Variants in HTR1E observed in about 807,000 individuals in gnomAD.
HTR1E encodes the protein 5-hydroxytryptamine receptor 1E, also known as 5-HT-1E.
In HTR1E, 3 loss-of-function variants were observed where a neutral mutation model predicts 3.4. The ratio of observed to expected loss-of-function variants is 0.89; its 90% CI spans 0.41 to 2.31. The LOEUF is 2.31. HTR1E is among the 30% of genes most tolerant of loss of function. The pLI is 0.05. For missense variants in HTR1E, 392 were observed against 467.0 expected (o/e 0.84, Z 1.48); for synonymous variants, 170 against 182.8 (o/e 0.93, Z 0.56).
chr6:86,952,364 G>T (rs1767256874), intron 1 of HTR1E, among the ~76,000 whole-genome samples: 1 of 152,040 alleles, frequency 6.6e-6, no homozygotes, highest in Non-Finnish European at 1.5e-5. Context: ...CATCAACAAT[G>T]GTGCAAACAT....
intron 1 of HTR1E, among the ~76,000 whole-genome samples, chr6:86,986,091 C>T (rs1453923734): frequency 6.6e-6 from 1 of 152,186 alleles, no homozygotes; most frequent in Admixed American, 6.5e-5. Flanking sequence ...CCTCAGAAAA[C>T]TGTCATTATC....
intron 1 of HTR1E, among the ~76,000 whole-genome samples, chr6:86,966,020 A>T (rs1767466977): frequency 6.6e-6 from 1 of 152,174 alleles, no homozygotes; most frequent in African/African-American, 2.4e-5. Context: ...AAGAAATAGG[A>T]ATTCTCTAAC....
intron 1 of HTR1E, among the ~76,000 whole-genome samples, chr6:87,002,408 A>C (rs1191302382): frequency 6.6e-6 from 1 of 152,230 alleles, no homozygotes; most frequent in Non-Finnish European, 1.5e-5. Flanking sequence ...CACAGTATGG[A>C]AGGGGACCCG....
chr6:86,994,245 A>AT (rs1351368551), intron 1 of HTR1E, among the ~76,000 whole-genome samples: 1 of 152,168 alleles, frequency 6.6e-6, no homozygotes, highest in East Asian at 1.9e-4. Context: ...AAAATGTCCC[A>AT]TTTTGGCAAA....
At chr6:87,010,377 T>C (rs10944289) in intron 1 of HTR1E, among the ~76,000 whole-genome samples, 2,597 of 50,336 alleles carry the variant, frequency 0.052, no homozygotes, top group Middle Eastern at 0.15. Flanking sequence ...GACCCCCCCA[T>C]CTCCCTCCCG....
At chr6:86,953,218 G>A (rs1038215082) in intron 1 of HTR1E, among the ~76,000 whole-genome samples, 6 of 152,190 alleles carry the variant, frequency 3.9e-5, no homozygotes, top group Non-Finnish European at 8.8e-5. Flanking sequence ...GAAAAAATAT[G>A]TTGGGAGGAG....
intron 1 of HTR1E, among the ~76,000 whole-genome samples, chr6:86,976,859 G>A (rs948435257): frequency 7.2e-5 from 11 of 152,062 alleles, no homozygotes; most frequent in Non-Finnish European, 1.2e-4. Context: ...TATTCTCTTC[G>A]TATTCTTCAT....
At chr6:86,968,073 C>G (rs1217572767) in intron 1 of HTR1E, among the ~76,000 whole-genome samples, 5 of 152,182 alleles carry the variant, frequency 3.3e-5, no homozygotes, top group Non-Finnish European at 7.4e-5. Context: ...CATGTGGTAT[C>G]ACACTATGTT....
At chr6:86,977,122 G>C (rs1241613270) in intron 1 of HTR1E, among the ~76,000 whole-genome samples, 1 of 152,004 alleles carries the variant, frequency 6.6e-6, no homozygotes, top group Admixed American at 6.6e-5. Context: ...TGTTACATGG[G>C]TATGTTACAC....
intron 1 of HTR1E, among the ~76,000 whole-genome samples, chr6:86,950,341 T>A (rs1445557454): frequency 1.3e-5 from 2 of 152,216 alleles, no homozygotes; most frequent in African/African-American, 4.8e-5. Flanking sequence ...AGAGAACCTT[T>A]GTGTAAGGCC....
intron 1 of HTR1E, among the ~76,000 whole-genome samples, chr6:86,966,742 C>T (rs533870836): frequency 6.6e-6 from 1 of 152,112 alleles, no homozygotes; most frequent in Admixed American, 6.5e-5. Context: ...ATGGAGTTTG[C>T]CAGGCAGAGA....
At chr6:86,967,708 A>G (rs1767491352) in intron 1 of HTR1E, among the ~76,000 whole-genome samples, 1 of 152,216 alleles carries the variant, frequency 6.6e-6, no homozygotes, top group African/African-American at 2.4e-5. Flanking sequence ...ACAAAATTCA[A>G]GATATTATAA....
chr6:86,983,938 T>C (rs1205997773), intron 1 of HTR1E, among the ~76,000 whole-genome samples: 3 of 152,152 alleles, frequency 2.0e-5, no homozygotes, highest in Non-Finnish European at 2.9e-5. Context: ...TTTTAAAATA[T>C]ATATACTCCT....
At chr6:86,944,807 T>G (rs1300141096) in intron 1 of HTR1E, among the ~76,000 whole-genome samples, 1 of 152,204 alleles carries the variant, frequency 6.6e-6, no homozygotes, top group African/African-American at 2.4e-5. Context: ...CCTAGTGACA[T>G]CATCGCTATT....
chr6:86,967,333 G>A (rs1582264443), intron 1 of HTR1E, among the ~76,000 whole-genome samples: 1 of 152,070 alleles, frequency 6.6e-6, no homozygotes. Flanking sequence ...GGATTGGAAA[G>A]TTGCAGTTTA....
chr6:86,988,800 T>A (rs140858797), intron 1 of HTR1E, among the ~76,000 whole-genome samples: 3 of 152,258 alleles, frequency 2.0e-5, no homozygotes, highest in African/African-American at 7.2e-5. Flanking sequence ...AAAAACTATT[T>A]TCTCCTGTTT....
intron 1 of HTR1E, among the ~76,000 whole-genome samples, chr6:86,951,329 C>T (rs533696236): frequency 2.0e-5 from 3 of 152,300 alleles, no homozygotes; most frequent in African/African-American, 7.2e-5. Context: ...TTTACCAACA[C>T]AGCCTTTGAA....
chr6:86,955,237 C>T (rs1213655160), intron 1 of HTR1E, among the ~76,000 whole-genome samples: 1 of 152,220 alleles, frequency 6.6e-6, no homozygotes, highest in Non-Finnish European at 1.5e-5. Flanking sequence ...CAGGCAGGTC[C>T]ACCTCCCTGT....
intron 1 of HTR1E, among the ~76,000 whole-genome samples, chr6:87,010,749 G>A (rs563690592): frequency 2.3e-4 from 35 of 150,304 alleles, no homozygotes; most frequent in Middle Eastern, 3.5e-3. Flanking sequence ...ACGGGGTGGC[G>A]GCCGGGCAGA....
Sources: allele counts gnomAD v4.1 joint callset (sites outside exome capture counted in the v4.1 genomes callset), GRCh38; gene constraint gnomAD v4.1.1; transcripts MANE v1.5; gene names NCBI Gene and HGNC (gene_info 2026-07-23, HGNC 2026-07-21).